Variants in ECH1 observed in about 807,000 individuals in gnomAD.
The protein encoded by ECH1 is delta(3,5)-Delta(2,4)-dienoyl-CoA isomerase, mitochondrial.
A neutral mutation model predicts 37.0 loss-of-function variants in ECH1; 30 were observed. The observed-to-expected ratio is 0.81, with a 90% CI of 0.61 to 1.10. The LOEUF is 1.10. ECH1 is among the 50% of genes least tolerant of loss of function. The pLI is 0.00. For synonymous variants in ECH1, 178 were observed against 176.0 expected (o/e 1.01, Z -0.09); for missense variants, 456 against 441.6 (o/e 1.03, Z -0.29).
chr19:38,821,486 G>C (rs1971660726), intron 3 of ECH1, among the ~76,000 whole-genome samples: 1 of 152,206 alleles, frequency 6.6e-6, no homozygotes, highest in South Asian at 2.1e-4. Flanking sequence ...TGCTTGCAGG[G>C]AGGTGTGGAG....
At position 38,816,369 on chromosome 19, in the gene ECH1, C is replaced by G. The variant is rs753248550; in HGVS notation, c.660-14G>C. 1.9e-6 allele frequency: 3 copies of G among 1,613,920 alleles called. No homozygotes were observed. The South Asian group carries it at 3.3e-5, about 18-fold the overall frequency. ...TCGTTGACCAGGCTGCAAAGGCAAG[C>G]GTGCATCAGGAGGCGGCTGCCACCC... On this transcript the variant is annotated splice_polypyrimidine_tract_variant and intron_variant, in intron 7 of 9. Coordinates refer to ENST00000221418, the MANE Select transcript of ECH1 (RefSeq NM_001398.3).
rs1361709080 is a variant in ECH1 at position 38,816,475 on chromosome 19, G to T, written c.637C>A (p.Pro213Thr). Residue 213 changes from proline (P) to threonine (T), a missense_variant, in exon 7 of 10, where the codon CCC becomes ACC. Transcript: ENST00000221418. ...CACCTCTGGTTCCCGATGACCTTGG[G>T]CAGGCGCTGCAGTGTTCCTACATCG... ...AADVGTLQRLPKVIGNQSLVN... is the reference protein window; with the variant it reads ...AADVGTLQRLTKVIGNQSLVN... 1 of 1,614,060 alleles carries T rather than the reference G, an allele frequency of 6.2e-7. No individual in the cohort carries two copies. The highest frequency in any genetic ancestry group is 1.3e-5 in the African/African-American group (1 of 74,936).
At position 38,819,930 on chromosome 19, in the gene ECH1, C is replaced by T. The variant is rs1013532797; in HGVS notation, c.350-2355G>A. Among the ~76,000 whole-genome samples, 7 of 151,168 alleles carry T rather than the reference C, an allele frequency of 4.6e-5. No homozygotes were observed. The East Asian group carries it at 5.9e-4, about 13-fold the overall frequency. ...TCGCGCCACTGCACTCCAGCCTGGGCGACAGAGCAAGACCCTGGCTCAAAA... is the reference window on the plus strand; with the variant it reads ...TCGCGCCACTGCACTCCAGCCTGGGTGACAGAGCAAGACCCTGGCTCAAAA... On this transcript the variant is annotated intron_variant, in intron 3 of 9. Coordinates refer to ENST00000221418, the MANE Select transcript of ECH1 (RefSeq NM_001398.3).
At chr19:38,826,085 C>T (rs1971735172) in intron 3 of ECH1, among the ~76,000 whole-genome samples, 1 of 152,332 alleles carries the variant, frequency 6.6e-6, no homozygotes, top group African/African-American at 2.4e-5. Context: ...CAGCCTGTAA[C>T]CAGGTATTTC....
chr19:38,819,431 G>A (rs929256621), intron 3 of ECH1, among the ~76,000 whole-genome samples: 4 of 151,980 alleles, frequency 2.6e-5, no homozygotes, highest in African/African-American at 9.7e-5. Flanking sequence ...CCTTACCTCC[G>A]GGCTGCACAG....
Position 38,821,783 on chromosome 19 carries a change from C to T in ECH1, c.350-4208G>A, listed in dbSNP as rs1042635994. The stretch of plus-strand genomic sequence containing the variant: ...CTGCCATGCCCGAGCCTCCCCCCGC[C>T]GCCGTGGGCTCCTGCACAGCCCGAG... On this transcript the variant is annotated intron_variant, in intron 3 of 9. Transcript: ENST00000221418. Among the ~76,000 whole-genome samples, 7 of 152,240 alleles carry T rather than the reference C, an allele frequency of 4.6e-5. No individual in the cohort carries two copies. The East Asian group carries it at 7.7e-4, about 17-fold the overall frequency.
chr19:38,818,928 T>TGCGC (rs1555721659), intron 3 of ECH1, among the ~76,000 whole-genome samples: 8 of 126,268 alleles, frequency 6.3e-5, no homozygotes, highest in African/African-American at 2.2e-4. Flanking sequence ...TGTGTGTGTG[T>TGCGC]GTGTGCACTG....
chr19:38,831,305 A>C lies in ECH1; in HGVS notation c.260+4T>G. 2 of 1,608,930 alleles carry C rather than the reference A, an allele frequency of 1.2e-6. No homozygotes were observed. The highest frequency in any genetic ancestry group is 1.7e-6 in the Non-Finnish European group (2 of 1,176,322). On this transcript the variant is annotated splice_donor_region_variant and intron_variant, in intron 2 of 9. Transcript: ENST00000221418. Reference sequence around the variant, plus strand: ...GGCAGGCCTCCAGGATCTGCAGGTCAGACCTCCAGAAGACCTTGTTCATGG... The same window carrying C: ...GGCAGGCCTCCAGGATCTGCAGGTCCGACCTCCAGAAGACCTTGTTCATGG...
At chr19:38,816,997 C>G (rs946774155) in intron 6 of ECH1, 68 bp downstream of exon 6, 46 of 1,515,548 alleles carry the variant, frequency 3.0e-5, no homozygotes, top group Non-Finnish European at 4.0e-5. Context: ...GCCCTCGAGG[C>G]TCACTCCAGG....
At chr19:38,826,816 G>C (rs142340922) in intron 3 of ECH1, among the ~76,000 whole-genome samples, 13,797 of 152,128 alleles carry the variant, frequency 0.091, 846 homozygotes, top group South Asian at 0.2. Flanking sequence ...CTCAAGTCCA[G>C]GCACTCTGGT....
intron 3 of ECH1, chr19:38,817,877 G>A (rs1971603185): frequency 4.8e-6 from 2 of 416,360 alleles, no homozygotes; most frequent in South Asian, 1.0e-4. Flanking sequence ...TTGCCCAAGG[G>A]GGTCACACTG....
chr19:38,816,409 G>A (rs760078635), intron 7 of ECH1, 44 bp downstream of exon 7: 3 of 1,613,742 alleles, frequency 1.9e-6, no homozygotes, highest in African/African-American at 1.3e-5. Flanking sequence ...GCTGGGAGAT[G>A]CTCTGGGGTC....
Position 38,831,067 on chromosome 19 carries a change from G to A in ECH1, c.349+11C>T. On this transcript the variant is annotated intron_variant, in intron 3 of 9. Transcript: ENST00000221418. ...GGAAGGCTGGCAGGGTGTGTGAAGA[G>A]CGTCTGGTACCTGCAGTGAACATTT... 1.2e-6 allele frequency: 2 copies of A among 1,613,122 alleles called. No homozygotes were observed. The highest frequency in any genetic ancestry group is 1.7e-6 in the Non-Finnish European group (2 of 1,179,128).
chr19:38,818,198 C>T (rs1029447603), intron 3 of ECH1: 1 of 983,712 alleles, frequency 1.0e-6, no homozygotes, highest in Non-Finnish European at 1.2e-6. Flanking sequence ...CAGCTGGCTC[C>T]AGAGGCCATG....
At chr19:38,818,926 T>TGCGC (rs1971618443) in intron 3 of ECH1, among the ~76,000 whole-genome samples, 1 of 126,312 alleles carries the variant, frequency 7.9e-6, no homozygotes, top group African/African-American at 2.9e-5. Flanking sequence ...TGTGTGTGTG[T>TGCGC]GTGTGTGCAC....
rs1438552195 is a variant in ECH1, at chr19:38,817,336, T to C, written c.503A>G (p.His168Arg). ...CTCACCTCCGCCAATGCAGCCCCCA[T>C]GGACGGCAGCAATCACGGGCTTGGG... ...RCPKPVIAAV[H>R]GGCIGGGVDL... is the part of the protein sequence containing the mutation. The change falls in exon 5 of 10, where the codon CAT becomes CGT. Residue 168 changes from histidine (H) to arginine (R), a missense_variant. His to Arg is a conservative substitution (Grantham distance 29). Transcript: ENST00000221418. 4 of 1,576,382 alleles carry C rather than the reference T, an allele frequency of 2.5e-6. No individual in the cohort carries two copies. Among genetic ancestry groups the C allele is most frequent in the East Asian group, 4.6e-5 (2 of 43,520 alleles).
At chr19:38,829,709 G>T (rs1440811008) in intron 3 of ECH1, among the ~76,000 whole-genome samples, 1 of 148,068 alleles carries the variant, frequency 6.8e-6, no homozygotes, top group Non-Finnish European at 1.5e-5. Flanking sequence ...CCCAGTACTC[G>T]GGAGGCTGAG....
intron 3 of ECH1, among the ~76,000 whole-genome samples, chr19:38,830,618 C>G (rs1196135852): frequency 6.6e-6 from 1 of 150,440 alleles, no homozygotes; most frequent in Non-Finnish European, 1.5e-5. Context: ...CAACTGTACT[C>G]CAGCCTGGGT....
intron 3 of ECH1, among the ~76,000 whole-genome samples, chr19:38,826,199 G>A (rs1971736530): frequency 1.3e-5 from 2 of 152,156 alleles, no homozygotes; most frequent in African/African-American, 2.4e-5. Flanking sequence ...TATTAGCCAA[G>A]GCTGGAGCTA....
Sources: allele counts gnomAD v4.1 joint callset (sites outside exome capture counted in the v4.1 genomes callset), GRCh38; gene constraint gnomAD v4.1.1; transcripts MANE v1.5; gene names NCBI Gene and HGNC (gene_info 2026-07-23, HGNC 2026-07-21).